The following CES5A variants were observed in gnomAD, a reference collection of about 807,000 sequenced individuals.
The protein encoded by CES5A is carboxylesterase 5A.
Under a neutral mutation model 62.9 loss-of-function variants are expected in CES5A, and 67 were observed. That is an observed-to-expected ratio of 1.07 (90% CI 0.88 to 1.31). The LOEUF (loss-of-function observed/expected upper bound fraction) is 1.31, where lower values mean the gene tolerates loss of function less well. CES5A is among the 50% of genes most tolerant of loss of function. The probability of loss-of-function intolerance (pLI) is 0.00; values close to 1 mark genes in which losing one functional copy is unlikely to be tolerated. For synonymous variants in CES5A, 296 were observed against 280.8 expected (o/e 1.05, Z -0.54); for missense variants, 748 against 708.5 (o/e 1.06, Z -0.63).
Position 55,856,379 on chromosome 16 carries a change from G to A in CES5A, c.1123C>T (p.Leu375=). 2 of 1,613,978 alleles carry A rather than the reference G, an allele frequency of 1.2e-6. No individual in the cohort carries two copies. The highest frequency in any genetic ancestry group is 1.7e-6 in the Non-Finnish European group (2 of 1,179,870). ...CTGCAGCCTCCCAAGCTACTCACCA[G>A]GATGTTTTGTATCAGATGGAGGGCA... The part of the protein sequence containing the change: ...SLALHLIQNI[L]HIPPQYLHLV... Residue 375 remains leucine, a splice_region_variant and synonymous_variant, in exon 9 of 13, where the codon CTG becomes TTG. Coordinates refer to ENST00000290567, the MANE Select transcript of CES5A (RefSeq NM_001143685.2).
At chr16:55,865,181 G>A (rs189791966) in intron 5 of CES5A, among the ~76,000 whole-genome samples, 1 of 152,140 alleles carries the variant, frequency 6.6e-6, no homozygotes, top group Admixed American at 6.5e-5. Flanking sequence ...ACTCCAGCCT[G>A]GGCAACAAAA....
intron 2 of CES5A, among the ~76,000 whole-genome samples, chr16:55,873,437 G>A (rs1445695755): frequency 2.0e-5 from 3 of 152,096 alleles, no homozygotes; most frequent in Non-Finnish European, 4.4e-5. Flanking sequence ...AGCCAGGCTT[G>A]GGTGAGAGGT....
At chr16:55,899,762 G>A (rs566363848) in intron 1 of CES5A, among the ~76,000 whole-genome samples, 2 of 152,334 alleles carry the variant, frequency 1.3e-5, no homozygotes, top group South Asian at 2.1e-4. Context: ...GGCCAGGAAT[G>A]CCACCAAACA....
intron 1 of CES5A, among the ~76,000 whole-genome samples, chr16:55,950,975 G>A (rs1245516162): frequency 1.3e-5 from 2 of 151,564 alleles, no homozygotes; most frequent in Non-Finnish European, 2.9e-5. Flanking sequence ...GGTGGTGGGC[G>A]CCTGTAGTCC....
At chr16:55,905,278 G>C (rs1343070676) in intron 1 of CES5A, among the ~76,000 whole-genome samples, 1 of 152,026 alleles carries the variant, frequency 6.6e-6, no homozygotes, top group Non-Finnish European at 1.5e-5. Context: ...CACAGTGAGG[G>C]GAGTTTCATG....
chr16:55,854,544 C>CTTT (rs56017491), intron 9 of CES5A, among the ~76,000 whole-genome samples: 3 of 64,414 alleles, frequency 4.7e-5, no homozygotes, highest in African/African-American at 7.0e-5. Context: ...TTTTTTTTTT[C>CTTT]TTTTTTTTTT....
At chr16:55,876,371 A>G (rs1389085439), upstream of CES5A, among the ~76,000 whole-genome samples, 1 of 122,762 alleles carries the variant, frequency 8.1e-6, no homozygotes, top group Non-Finnish European at 1.7e-5. Context: ...TTGCATTTCT[A>G]TACCACAAAA....
chr16:55,946,179 T>A (rs897449620), intron 2 of CES5A, among the ~76,000 whole-genome samples: 2 of 152,192 alleles, frequency 1.3e-5, no homozygotes, highest in South Asian at 2.1e-4. Context: ...CAAACCAGGA[T>A]GTTTTGACAA....
chr16:55,881,127 C>A (rs2033757175), intron 1 of CES5A, among the ~76,000 whole-genome samples: 1 of 152,166 alleles, frequency 6.6e-6, no homozygotes, highest in Non-Finnish European at 1.5e-5. Flanking sequence ...GGAAGCCTCT[C>A]CTTACTAGGA....
intron 4 of CES5A, 113 bp from the exon 5 acceptor site, chr16:55,866,229 G>T: frequency 1.1e-6 from 1 of 949,498 alleles, no homozygotes. Context: ...GGGGCGGAGA[G>T]TCAGAGGCCT....
chr16:55,936,289 C>A (rs1366241220), intron 2 of CES5A, among the ~76,000 whole-genome samples: 1 of 152,212 alleles, frequency 6.6e-6, no homozygotes, highest in Non-Finnish European at 1.5e-5. Flanking sequence ...CTGGGGTTTG[C>A]CTTGCACAAT....
At chr16:55,922,474 T>A (rs1322128887) in intron 1 of CES5A, among the ~76,000 whole-genome samples, 2 of 151,782 alleles carry the variant, frequency 1.3e-5, no homozygotes, top group Non-Finnish European at 2.9e-5. Context: ...GATAAAGGGG[T>A]CAATTCAGCA....
At chr16:55,862,161 C>T (rs2033365217) in intron 6 of CES5A, among the ~76,000 whole-genome samples, 1 of 152,162 alleles carries the variant, frequency 6.6e-6, no homozygotes, top group African/African-American at 2.4e-5. Context: ...CTCGATGTTC[C>T]CCACCTTCCA....
At chr16:55,922,490 A>T (rs184302031) in intron 1 of CES5A, among the ~76,000 whole-genome samples, 1 of 152,124 alleles carries the variant, frequency 6.6e-6, no homozygotes, top group Admixed American at 6.5e-5. Flanking sequence ...CAGCAAAACG[A>T]TATAACAATT....
At chr16:55,885,180 C>T (rs2033802009) in intron 1 of CES5A, among the ~76,000 whole-genome samples, 1 of 152,088 alleles carries the variant, frequency 6.6e-6, no homozygotes, top group Non-Finnish European at 1.5e-5. Context: ...TACATCATTG[C>T]ACCTCCTACA....
At chr16:55,871,940 C>A in intron 2 of CES5A, 177 bp from the exon 3 acceptor site, 1 of 603,140 alleles carries the variant, frequency 1.7e-6, no homozygotes. Flanking sequence ...AACAAACAAG[C>A]AAGCAAATTA....
chr16:55,902,949 G>A (rs1456662813), intron 1 of CES5A, among the ~76,000 whole-genome samples: 1 of 152,038 alleles, frequency 6.6e-6, no homozygotes, highest in African/African-American at 2.4e-5. Flanking sequence ...AAGAAAGATA[G>A]GAGAGAGAGA....
intron 1 of CES5A, among the ~76,000 whole-genome samples, chr16:55,905,821 T>G (rs1751595338): frequency 6.6e-6 from 1 of 152,150 alleles, no homozygotes; most frequent in African/African-American, 2.4e-5. Flanking sequence ...ATTACAAAAC[T>G]ATACGCGCAA....
At chr16:55,923,750 A>G (rs2034232296) in intron 1 of CES5A, among the ~76,000 whole-genome samples, 1 of 151,794 alleles carries the variant, frequency 6.6e-6, no homozygotes, top group African/African-American at 2.4e-5. Context: ...AAGAACTTAG[A>G]TGCACAAATC....
Sources: allele counts gnomAD v4.1 joint callset (sites outside exome capture counted in the v4.1 genomes callset), GRCh38; gene constraint gnomAD v4.1.1; transcripts MANE v1.5; gene names NCBI Gene and HGNC (gene_info 2026-07-23, HGNC 2026-07-21).